GPC6: variants seen among roughly 807,000 people sequenced by gnomAD.
GPC6 encodes the protein glypican-6.
Under a neutral mutation model 55.2 loss-of-function variants are expected in GPC6, and 14 were observed. The observed-to-expected ratio is 0.25, with a 90% CI of 0.17 to 0.40. The LOEUF (loss-of-function observed/expected upper bound fraction) is 0.40, where lower values mean the gene tolerates loss of function less well. GPC6 is among the 10% of genes least tolerant of loss of function. The probability of loss-of-function intolerance (pLI) is 1.00; values close to 1 mark genes in which losing one functional copy is unlikely to be tolerated. For synonymous variants in GPC6, 278 were observed against 259.6 expected (o/e 1.07, Z -0.68); for missense variants, 641 against 708.5 (o/e 0.90, Z 1.08).
chr13:93,800,594 GT>G (rs1350624566), intron 2 of GPC6, among the ~76,000 whole-genome samples: 1 of 152,114 alleles, frequency 6.6e-6, no homozygotes, highest in African/African-American at 2.4e-5. Context: ...ACATAAACAG[GT>G]TTCCATGTCA....
chr13:93,471,706 T>C (rs1023638299), intron 1 of GPC6, among the ~76,000 whole-genome samples: 3 of 152,140 alleles, frequency 2.0e-5, no homozygotes, highest in African/African-American at 7.2e-5. Flanking sequence ...TTTTTATTAA[T>C]GTTCTCTGAT....
intron 2 of GPC6, among the ~76,000 whole-genome samples, chr13:93,657,251 A>G (rs550500200): frequency 6.6e-6 from 1 of 152,164 alleles, no homozygotes; most frequent in South Asian, 2.1e-4. Context: ...CAAAAAATAA[A>G]CATATAGACC....
chr13:93,667,885 C>T (rs1281617857), intron 2 of GPC6, among the ~76,000 whole-genome samples: 2 of 152,108 alleles, frequency 1.3e-5, no homozygotes, highest in Non-Finnish European at 2.9e-5. Flanking sequence ...GATCAATTAA[C>T]AGACTTGTAT....
At chr13:93,604,570 T>C (rs2139529238) in intron 2 of GPC6, among the ~76,000 whole-genome samples, 1 of 152,322 alleles carries the variant, frequency 6.6e-6, no homozygotes, top group East Asian at 1.9e-4. Flanking sequence ...TACCTTTTTT[T>C]TCTTGGCCAG....
chr13:94,068,539 G>A lies in GPC6; in HGVS notation c.877+40645G>A, dbSNP rs113624665. Among the ~76,000 whole-genome samples, 758 of 152,184 alleles carry A rather than the reference G, an allele frequency of 5.0e-3. 7 individuals are homozygous for A. Among genetic ancestry groups the A allele is most frequent in the African/African-American group, 0.018 (730 of 41,528 alleles). The stretch of plus-strand genomic sequence containing the variant: ...AACTTATTTCAGCATTAATTCAAAA[G>A]TCCACAGTCCAAAGTCTCTTTTGAG... On this transcript the variant is annotated intron_variant, in intron 4 of 8. Coordinates refer to ENST00000377047, the MANE Select transcript of GPC6 (RefSeq NM_005708.5).
intron 3 of GPC6, among the ~76,000 whole-genome samples, chr13:93,966,591 C>T (rs193185661): frequency 2.8e-4 from 42 of 151,392 alleles, no homozygotes; most frequent in African/African-American, 9.2e-4. Flanking sequence ...TAACCTAGAA[C>T]AGATATTAAA....
chr13:93,833,110 A>AT (rs1566559317), intron 3 of GPC6, among the ~76,000 whole-genome samples: 49 of 17,200 alleles, frequency 2.8e-3, no homozygotes, highest in African/African-American at 0.014. Context: ...TAGATGATAG[A>AT]GAGAGAGAGA....
At chr13:93,407,433 C>A (rs1005956170) in intron 1 of GPC6, among the ~76,000 whole-genome samples, 1 of 151,774 alleles carries the variant, frequency 6.6e-6, no homozygotes. Flanking sequence ...TGGCTGAGAC[C>A]GTGCCTGACT....
At chr13:93,993,484 C>T (rs139053243) in intron 3 of GPC6, among the ~76,000 whole-genome samples, 45 of 151,816 alleles carry the variant, frequency 3.0e-4, no homozygotes, top group Non-Finnish European at 5.7e-4. Context: ...TTAGTAGAAA[C>T]GGTGTTTCAC....
intron 1 of GPC6, among the ~76,000 whole-genome samples, chr13:93,423,206 G>A (rs8002728): frequency 0.07 from 10,643 of 152,152 alleles, 439 homozygotes; most frequent in Non-Finnish European, 0.078. Flanking sequence ...AGGGACATGA[G>A]AAAAATTAAT....
chr13:93,515,841 A>T lies in GPC6; in HGVS notation c.161-29422A>T, dbSNP rs142686818. ...ACTATTAAGGATCCACAAATGAAGT[A>T]CTTGAAATCTCAGAAAAAGTCATAT... On this transcript the variant is annotated intron_variant, in intron 1 of 8. Transcript: ENST00000377047. 1.9e-4 allele frequency among the ~76,000 whole-genome samples: 29 copies of T among 152,302 alleles called. 1 individual carries two copies. The highest frequency in any genetic ancestry group is 6.7e-4 in the African/African-American group (28 of 41,566).
At chr13:94,280,581 T>G (rs1022829676) in intron 4 of GPC6, among the ~76,000 whole-genome samples, 1 of 152,248 alleles carries the variant, frequency 6.6e-6, no homozygotes, top group Admixed American at 6.5e-5. Flanking sequence ...TTAATCAGCC[T>G]ATACATAAAC....
intron 7 of GPC6, among the ~76,000 whole-genome samples, chr13:94,396,109 C>G (rs1288378851): frequency 1.3e-5 from 2 of 152,210 alleles, no homozygotes; most frequent in Non-Finnish European, 2.9e-5. Context: ...CTAACAACTT[C>G]TTCCCTTTAT....
Position 93,552,480 on chromosome 13 carries a change from G to GTCTC in GPC6, c.319+7079_319+7082dup, listed in dbSNP as rs61674043. On this transcript the variant is annotated intron_variant, in intron 2 of 8. Transcript: ENST00000377047. Reference sequence around the variant, plus strand: ...CTCCTCCTCCTTTCTCTGTCTCTCTGTCTCTCTCTCTCTCTCTCTCTCTTT... The same window carrying GTCTC: ...CTCCTCCTCCTTTCTCTGTCTCTCTGTCTCTCTCTCTCTCTCTCTCTCTCTCTTT... Among the ~76,000 whole-genome samples, 161 of 146,904 alleles carry GTCTC rather than the reference G, an allele frequency of 1.1e-3. 1 individual carries two copies. Among genetic ancestry groups the GTCTC allele is most frequent in the South Asian group, 1.9e-3 (9 of 4,620 alleles).
intron 4 of GPC6, among the ~76,000 whole-genome samples, chr13:94,213,970 A>C (rs1378358254): frequency 6.6e-6 from 1 of 152,192 alleles, no homozygotes; most frequent in Non-Finnish European, 1.5e-5. Flanking sequence ...TTTTCTGAAA[A>C]TCTGTTTTGT....
At chr13:93,797,398 ACG>A (rs1886232675) in intron 2 of GPC6, among the ~76,000 whole-genome samples, 1 of 152,210 alleles carries the variant, frequency 6.6e-6, no homozygotes, top group Non-Finnish European at 1.5e-5. Context: ...GCTTTCATAT[ACG>A]CACAACGTTC....
chr13:94,202,427 G>C (rs139579810), intron 4 of GPC6, among the ~76,000 whole-genome samples: 1 of 152,176 alleles, frequency 6.6e-6, no homozygotes, highest in South Asian at 2.1e-4. Context: ...AAGGCAAAAG[G>C]CATGTCCTAC....
At chr13:93,519,839 GAA>G (rs1881340391) in intron 1 of GPC6, among the ~76,000 whole-genome samples, 1 of 152,072 alleles carries the variant, frequency 6.6e-6, no homozygotes, top group African/African-American at 2.4e-5. Flanking sequence ...TTGTGAAACA[GAA>G]AATGTGAAAA....
chr13:93,592,106 G>A (rs1175446165), intron 2 of GPC6, among the ~76,000 whole-genome samples: 1 of 151,952 alleles, frequency 6.6e-6, no homozygotes, highest in Non-Finnish European at 1.5e-5. Context: ...GTAATCTGCA[G>A]CTCTGTTTAA....
Sources: gnomAD v4.1 joint callset for allele counts (sites outside exome capture counted in the v4.1 genomes callset) on GRCh38, gnomAD v4.1.1 for gene constraint, MANE v1.5 for transcripts, NCBI Gene and HGNC (gene_info 2026-07-23, HGNC 2026-07-21) for gene names.